Variants in CENPH observed in about 807,000 individuals in gnomAD.
The protein encoded by CENPH is CENP-H.
In CENPH, 40 loss-of-function variants were observed where a neutral mutation model predicts 42.9. The ratio of observed to expected loss-of-function variants is 0.93; its 90% confidence interval spans 0.72 to 1.21. The LOEUF (loss-of-function observed/expected upper bound fraction) is 1.21, where lower values mean the gene tolerates loss of function less well. Among genes scored for constraint, CENPH ranks in the 50% most tolerant of loss-of-function variants. The probability of loss-of-function intolerance (pLI) is 0.00; values close to 1 mark genes in which losing one functional copy is unlikely to be tolerated. For synonymous variants in CENPH, 88 were observed against 96.5 expected (o/e 0.91, Z 0.52); for missense variants, 302 against 292.9 (o/e 1.03, Z -0.23).
intron 8 of CENPH, 98 bp downstream of exon 8, chr5:69,208,457 C>G (rs111738491): frequency 4.3e-6 from 3 of 691,860 alleles, no homozygotes; most frequent in Non-Finnish European, 7.2e-6. Context: ...CCTCCTGGTT[C>G]AAGCAATTCT....
chr5:69,206,692 C>T (rs1053935732), intron 7 of CENPH, among the ~76,000 whole-genome samples: 1 of 152,080 alleles, frequency 6.6e-6, no homozygotes, highest in Non-Finnish European at 1.5e-5. Context: ...AGACGGGTTT[C>T]ATCATGTTGG....
At chr5:69,194,501 A>G (rs1580223973) in intron 2 of CENPH, 146 bp from the exon 3 acceptor site, 1 of 524,568 alleles carries the variant, frequency 1.9e-6, no homozygotes, top group East Asian at 3.2e-5. Flanking sequence ...AAATAAGTAT[A>G]TTAAAATTAA....
chr5:69,202,707 C>CT, intron 6 of CENPH, 138 bp downstream of exon 6: 1 of 665,432 alleles, frequency 1.5e-6, no homozygotes, highest in South Asian at 2.1e-5. Context: ...TGAGTTCTCT[C>CT]TTTTTTTCAA....
At chr5:69,199,692 C>T (rs909612886) in intron 5 of CENPH, among the ~76,000 whole-genome samples, 1 of 152,070 alleles carries the variant, frequency 6.6e-6, no homozygotes, top group Non-Finnish European at 1.5e-5. Flanking sequence ...GAAGGGAACT[C>T]AGGTAAGACA....
At chr5:69,199,045 G>A (rs1056903310) in intron 5 of CENPH, among the ~76,000 whole-genome samples, 1 of 152,156 alleles carries the variant, frequency 6.6e-6, no homozygotes, top group African/African-American at 2.4e-5. Flanking sequence ...CTTTGGTCTA[G>A]GTCCTGTTGC....
rs1747876789 is a variant in CENPH at position 69,191,830 on chromosome 5, A to G, written c.170A>G (p.Tyr57Cys). ...CAGACAAAACAACAACTCTTAGAAT[A>G]TAAATCAATGGTTGATGCAAGTAAG... ...RAQTKQQLLE[Y>C]KSMVDASEEK... The change falls in exon 2 of 9, where the codon TAT (tyrosine) becomes TGT (cysteine). Residue 57 changes from tyrosine (Y) to cysteine (C), a missense_variant. By Grantham distance (194) the Tyr-to-Cys change is radical (BLOSUM62 -2). Coordinates refer to ENST00000283006, the MANE Select transcript of CENPH (RefSeq NM_022909.4). 1.3e-6 allele frequency: 2 copies of G among 1,549,316 alleles called. No homozygotes were observed. The highest frequency in any genetic ancestry group is 1.7e-5 in the Admixed American group (1 of 59,078).
At chr5:69,204,051 T>TAGAA (rs1244073988) in intron 7 of CENPH, among the ~76,000 whole-genome samples, 2,223 of 57,382 alleles carry the variant, frequency 0.039, 72 homozygotes, top group South Asian at 0.072. Context: ...TATTTATATA[T>TAGAA]TATATATATA....
chr5:69,191,827 A>T lies in CENPH; in HGVS notation c.167A>T (p.Glu56Val). The part of the protein sequence containing the change: ...LRAQTKQQLL[E>V]YKSMVDASEE... ...GCACAGACAAAACAACAACTCTTAG[A>T]ATATAAATCAATGGTTGATGCAAGT... is the stretch of plus-strand genomic sequence containing the variant. The change falls in exon 2 of 9, where the codon GAA (glutamate) becomes GTA (valine). Residue 56 changes from glutamate to valine, a missense_variant. By Grantham distance (121) the Glu-to-Val change is moderately radical (BLOSUM62 -2). Transcript: ENST00000283006. The T allele has an allele frequency of 1.3e-6, 2 of 1,543,630 alleles. No homozygotes were observed. Among genetic ancestry groups the T allele is most frequent in the Non-Finnish European group, 1.8e-6 (2 of 1,117,144 alleles).
At chr5:69,197,980 G>T (rs866665720) in intron 5 of CENPH, among the ~76,000 whole-genome samples, 166 of 135,278 alleles carry the variant, frequency 1.2e-3, no homozygotes, top group African/African-American at 4.1e-3. Flanking sequence ...GAGTGCAGTG[G>T]CACGATCTCG....
intron 8 of CENPH, among the ~76,000 whole-genome samples, chr5:69,209,252 GTGGCTTA>G (rs1720183955): frequency 6.6e-6 from 1 of 152,178 alleles, no homozygotes; most frequent in African/African-American, 2.4e-5. Context: ...GCTGGGTGTG[GTGGCTTA>G]TGCCTGTAAT....
At position 69,189,848 on chromosome 5, in the gene CENPH, G is replaced by A. The variant is rs1389522891; in HGVS notation, c.134+80G>A. ...TCCGCCCTTGCTCAGAAGGGCTAGG[G>A]TTCGAATTCACGCTCGGTCACGTCA... On this transcript the variant is annotated intron_variant, in intron 1 of 8. Coordinates refer to ENST00000283006, the MANE Select transcript of CENPH (RefSeq NM_022909.4). The A allele has an allele frequency of 2.2e-6, 3 of 1,390,624 alleles. No individual in the cohort carries two copies. The African/African-American group carries it at 4.5e-5, about 21-fold the overall frequency. The allele number at this position is 1,390,624 out of a possible 1,614,324, so 86.1% of individuals were successfully genotyped here. A position where few individuals can be genotyped will look rare whatever the true frequency, so the allele number is the denominator to read the frequency against.
intron 7 of CENPH, among the ~76,000 whole-genome samples, chr5:69,205,290 C>T (rs969486349): frequency 2.0e-5 from 3 of 151,684 alleles, no homozygotes; most frequent in Admixed American, 1.3e-4. Context: ...TGCAGTGGCG[C>T]GATCTTGGCT....
intron 5 of CENPH, among the ~76,000 whole-genome samples, chr5:69,200,740 T>TTTTTTTTTTG (rs1748045995): frequency 9.1e-6 from 1 of 110,260 alleles, no homozygotes; most frequent in African/African-American, 3.2e-5. Context: ...TTTTTTTTTT[T>TTTTTTTTTTG]TTTTTTTTTT....
At chr5:69,204,597 CTTTTTTTTT>C (rs530678541) in intron 7 of CENPH, among the ~76,000 whole-genome samples, 2 of 69,578 alleles carry the variant, frequency 2.9e-5, no homozygotes, top group African/African-American at 1.2e-4. Flanking sequence ...GCTTGTATTT[CTTTTTTTTT>C]TTTTTTTTTT....
intron 6 of CENPH, 45 bp downstream of exon 6, chr5:69,202,614 T>C: frequency 9.3e-7 from 1 of 1,077,710 alleles, no homozygotes; most frequent in Non-Finnish European, 1.4e-6. Flanking sequence ...ATGATTTTAC[T>C]CTCAACTTCT....
intron 8 of CENPH, 47 bp from the exon 9 acceptor site, chr5:69,209,660 A>G: frequency 2.2e-6 from 2 of 890,554 alleles, no homozygotes; most frequent in South Asian, 1.5e-5. Context: ...AATCTTGTTA[A>G]ATTTTTAAAG....
At chr5:69,196,496 T>G (rs930777418) in intron 4 of CENPH, among the ~76,000 whole-genome samples, 18 of 151,936 alleles carry the variant, frequency 1.2e-4, no homozygotes, top group African/African-American at 4.4e-4. Context: ...AATACAAAAA[T>G]TAGCCAGGTG....
At chr5:69,197,426 C>T (rs1252919845) in intron 5 of CENPH, 1 of 212,822 alleles carries the variant, frequency 4.7e-6, no homozygotes, top group Non-Finnish European at 9.2e-6. Flanking sequence ...TTAATCCATC[C>T]AAAACACAGT....
At chr5:69,206,885 C>CT (rs397748337) in intron 7 of CENPH, among the ~76,000 whole-genome samples, 1 of 151,850 alleles carries the variant, frequency 6.6e-6, no homozygotes, top group African/African-American at 2.4e-5. Context: ...TCTATTCCCC[C>CT]ATGTTTTTTT....
Sources: gnomAD v4.1 joint callset for allele counts (sites outside exome capture counted in the v4.1 genomes callset) on GRCh38, gnomAD v4.1.1 for gene constraint, MANE v1.5 for transcripts, NCBI Gene and HGNC (gene_info 2026-07-23, HGNC 2026-07-21) for gene names.